Variants in ZNF462 observed in about 807,000 individuals in gnomAD.
ZNF462 encodes zinc finger PBX1-interacting protein.
A neutral mutation model predicts 201.9 loss-of-function variants in ZNF462; 10 were observed. The ratio of observed to expected loss-of-function variants is 0.05; its 90% CI spans 0.03 to 0.08. ZNF462 has a LOEUF of 0.08. Among genes scored for constraint, ZNF462 ranks in the 10% least tolerant of loss-of-function variants. The pLI, the probability that ZNF462 is intolerant of heterozygous loss-of-function variation, is 1.00. For synonymous variants in ZNF462, 1,227 were observed against 1,193.3 expected, an observed-to-expected ratio of 1.03 and a Z score of -0.58; for missense variants, 2,523 against 3,168.3, an observed-to-expected ratio of 0.80 and a Z score of 4.89.
At chr9:106,949,263 A>G (rs1020200746) in intron 7 of ZNF462, among the ~76,000 whole-genome samples, 4 of 152,170 alleles carry the variant, frequency 2.6e-5, no homozygotes, top group Admixed American at 6.6e-5. Flanking sequence ...GTCAGGGACC[A>G]TTTCCTATTC....
rs182443522 is a variant in ZNF462 at position 106,902,035 on chromosome 9, G to A, written c.-30-21319G>A. The stretch of plus-strand genomic sequence containing the variant: ...GAGAGCTTTCAACTTTCCCCATTCA[G>A]TATTATGCTGGCTGTGGGTTTGTCA... On this transcript the variant is annotated intron_variant, in intron 1 of 12. Transcript: ENST00000277225. This position sits in a 1 kb window ranked among gnomAD's most constrained non-coding sequence, Gnocchi z 4.2. Among the ~76,000 whole-genome samples the A allele has an allele frequency of 1.2e-4, 19 of 152,224 alleles. No homozygotes were observed. The East Asian group carries it at 3.7e-3, about 29-fold the overall frequency.
intron 1 of ZNF462, among the ~76,000 whole-genome samples, chr9:106,881,906 C>G (rs1207274779): frequency 6.6e-6 from 1 of 152,052 alleles, no homozygotes; most frequent in African/African-American, 2.4e-5. Flanking sequence ...AGATGAAGTT[C>G]TGGTTTTTTG....
Position 106,927,210 on chromosome 9 carries a change from C to T in ZNF462, c.3298C>T (p.Pro1100Ser), listed in dbSNP as rs76712188. Reference sequence around the variant, plus strand: ...CAAAATGTCCAACATGGGTTCCCCACCCCCCCCACAACCCCCGCCACCAGA... The same window carrying T: ...CAAAATGTCCAACATGGGTTCCCCATCCCCCCCACAACCCCCGCCACCAGA... ...SPKMSNMGSP[P>S]PPQPPPPDLS... Residue 1100 changes from proline (P) to serine (S), a missense_variant, in exon 3 of 13, where the codon CCC (proline) becomes TCC (serine). Physicochemically the swap from Pro to Ser is moderately conservative, Grantham distance 74. This residue lies in a region of ZNF462 where 280 missense variants were observed against 321.3 expected (regional missense o/e 0.87). Transcript: ENST00000277225. The T allele has an allele frequency of 6.4e-7, 1 of 1,565,678 alleles. No individual in the cohort carries two copies. The highest frequency in any genetic ancestry group is 8.7e-7 in the Non-Finnish European group (1 of 1,145,492).
chr9:107,002,436 A>G (rs1053174764), intron 10 of ZNF462, among the ~76,000 whole-genome samples: 16 of 152,166 alleles, frequency 1.1e-4, no homozygotes, highest in African/African-American at 3.6e-4. Context: ...TATGCATGCA[A>G]CTGGAGAGGT....
In ZNF462 at chr9:106,929,767, T is replaced by A; in HGVS notation, c.5847+8T>A. 6.3e-7 allele frequency: 1 copy of A among 1,599,814 alleles called. No individual in the cohort carries two copies. The highest frequency in any genetic ancestry group is 8.5e-7 in the Non-Finnish European group (1 of 1,172,198). ...GATTTCAAACAAGAGAGGGTAAGGA[T>A]ATGTTTTGATTTCCCTTCCCCCAGG... On this transcript the variant is annotated splice_region_variant and intron_variant, in intron 3 of 12. Coordinates refer to ENST00000277225, the MANE Select transcript of ZNF462 (RefSeq NM_021224.6). This position sits in a 1 kb window ranked among gnomAD's most constrained non-coding sequence, Gnocchi z 8.7.
intron 1 of ZNF462, among the ~76,000 whole-genome samples, chr9:106,884,019 G>A (rs919717852): frequency 1.3e-5 from 2 of 152,144 alleles, no homozygotes; most frequent in Non-Finnish European, 2.9e-5. Flanking sequence ...GGGGAAGGGT[G>A]GACAGCTCCC....
chr9:106,862,525 CCCTTCT>C (rs1010917359), upstream of ZNF462, among the ~76,000 whole-genome samples: 1 of 152,046 alleles, frequency 6.6e-6, no homozygotes, highest in African/African-American at 2.4e-5. The surrounding 1 kb of genome is among the most constrained non-coding windows in gnomAD (Gnocchi z 4.2). Flanking sequence ...CTCCCTCTTC[CCCTTCT>C]CCTTCTCCTT....
chr9:106,935,473 T>C lies in ZNF462; in HGVS notation c.6117-30T>C, dbSNP rs767051706. 2 of 1,598,546 alleles carry C rather than the reference T, an allele frequency of 1.3e-6. No individual in the cohort carries two copies. Among genetic ancestry groups the C allele is most frequent in the South Asian group, 2.2e-5 (2 of 90,434 alleles). On this transcript the variant is annotated intron_variant, in intron 5 of 12. Coordinates refer to ENST00000277225, the MANE Select transcript of ZNF462 (RefSeq NM_021224.6). The surrounding 1 kb of genome is among the most constrained non-coding windows in gnomAD (Gnocchi z 4.1). ...CTCTATGCAATTTTTAATTTTGTCA[T>C]TTTTCTTTTTGTTTTCCTTCTACAT...
intron 10 of ZNF462, among the ~76,000 whole-genome samples, chr9:106,999,503 G>A (rs538078167): frequency 5.9e-4 from 89 of 152,088 alleles, no homozygotes; most frequent in Admixed American, 1.0e-3. Context: ...AAATTCATAC[G>A]GGAATGAATA....
chr9:106,993,777 C>T lies in ZNF462; in HGVS notation c.7056+9368C>T, dbSNP rs1390557130. Among the ~76,000 whole-genome samples the T allele has an allele frequency of 6.6e-6, 1 of 152,000 alleles. No homozygotes were observed. Among genetic ancestry groups the T allele is most frequent in the Non-Finnish European group, 1.5e-5 (1 of 67,990 alleles). ...TTTTCTTTTTTGAGTCAGGGTCTTG[C>T]TCTGTTGCCCAGGCTGAGGTGCAAT... On this transcript the variant is annotated intron_variant, in intron 10 of 12. Coordinates refer to ENST00000277225, the MANE Select transcript of ZNF462 (RefSeq NM_021224.6). This position sits in a 1 kb window ranked among gnomAD's most constrained non-coding sequence, Gnocchi z 4.0.
intron 7 of ZNF462, among the ~76,000 whole-genome samples, chr9:106,955,265 A>G (rs1483378265): frequency 6.6e-6 from 1 of 152,186 alleles, no homozygotes; most frequent in Non-Finnish European, 1.5e-5. Context: ...AAATATTGCA[A>G]TATAAAAGTC....
rs1175727275 is a variant in ZNF462 at position 106,932,430 on chromosome 9, C to G, written c.6013-16C>G. 6.2e-7 allele frequency: 1 copy of G among 1,614,096 alleles called. No homozygotes were observed. The highest frequency in any genetic ancestry group is 1.3e-5 in the African/African-American group (1 of 74,948). On this transcript the variant is annotated splice_polypyrimidine_tract_variant and intron_variant, in intron 4 of 12. Transcript: ENST00000277225. This position sits in a 1 kb window ranked among gnomAD's most constrained non-coding sequence, Gnocchi z 6.8. ...ACCATTGCAGTCAATGTGACAGAGT[C>G]CTGATGTCCATGCAGGGGCTGCGTT...
At chr9:106,911,292 C>T (rs961027426) in intron 1 of ZNF462, among the ~76,000 whole-genome samples, 2 of 152,188 alleles carry the variant, frequency 1.3e-5, no homozygotes, top group African/African-American at 4.8e-5. Flanking sequence ...CTCCTGTGCT[C>T]TTCAAGGACT....
chr9:106,899,466 G>A (rs373838690), intron 1 of ZNF462, among the ~76,000 whole-genome samples: 3 of 152,278 alleles, frequency 2.0e-5, no homozygotes, highest in East Asian at 3.9e-4. Context: ...ATTGTGGCAC[G>A]AGGATAAGAG....
At position 106,977,869 on chromosome 9, in the gene ZNF462, A is replaced by T. The variant is rs1588145450; in HGVS notation, c.6832+3596A>T. On this transcript the variant is annotated intron_variant, in intron 9 of 12. Transcript: ENST00000277225. This position sits in a 1 kb window ranked among gnomAD's most constrained non-coding sequence, Gnocchi z 4.6. Reference sequence around the variant, plus strand: ...GTGTAGATTAAAACAATAGAAATGTATTCTCTCACAGTTCTGGAAGCTAGA... The same window carrying T: ...GTGTAGATTAAAACAATAGAAATGTTTTCTCTCACAGTTCTGGAAGCTAGA... 6.6e-6 allele frequency among the ~76,000 whole-genome samples: 1 copy of T among 151,172 alleles called. No homozygotes were observed. The highest frequency in any genetic ancestry group is 1.5e-5 in the Non-Finnish European group (1 of 67,916).
At chr9:106,897,085 C>T (rs1287230802) in intron 1 of ZNF462, among the ~76,000 whole-genome samples, 1 of 152,116 alleles carries the variant, frequency 6.6e-6, no homozygotes, top group Non-Finnish European at 1.5e-5. Context: ...AACCCACATA[C>T]TAATAAAAAT....
chr9:106,928,949 C>T lies in ZNF462; in HGVS notation c.5037C>T (p.Tyr1679=), dbSNP rs758015353. 1 of 1,614,144 alleles carries T rather than the reference C, an allele frequency of 6.2e-7. No homozygotes were observed. Among genetic ancestry groups the T allele is most frequent in the South Asian group, 1.1e-5 (1 of 91,076 alleles). ...CGAGGAAGGGGATCGCCAGGCACTA[C>T]CGCATCAAGCACAATAATGTCCGAG... ...CSTRKGIARH[Y]RIKHNNVRAQ... is the part of the protein sequence containing the mutation. Residue 1679 remains tyrosine, a synonymous_variant, in exon 3 of 13, where the codon TAC becomes TAT. Transcript: ENST00000277225. This position sits in a 1 kb window ranked among gnomAD's most constrained non-coding sequence, Gnocchi z 9.3.
intron 1 of ZNF462, among the ~76,000 whole-genome samples, chr9:106,922,820 C>T: frequency 1.3e-5 from 2 of 152,240 alleles, no homozygotes; most frequent in Middle Eastern, 3.4e-3. Flanking sequence ...AGAAAAGCTA[C>T]AATAAAAATG....
At chr9:106,874,417 A>G (rs1040614015) in intron 1 of ZNF462, among the ~76,000 whole-genome samples, 1 of 152,200 alleles carries the variant, frequency 6.6e-6, no homozygotes, top group Admixed American at 6.5e-5. Flanking sequence ...AAACAAGGTG[A>G]ACTGGGTCAA....
Sources: gnomAD v4.1 joint callset for allele counts (sites outside exome capture counted in the v4.1 genomes callset) on GRCh38, gnomAD v4.1.1 for gene constraint, gnomAD v4.1.1 regional missense constraint, Gnocchi (gnomAD v3.1) non-coding constraint, MANE v1.5 for transcripts, NCBI Gene and HGNC (gene_info 2026-07-23, HGNC 2026-07-21) for gene names.